The following THSD7B variants were observed in gnomAD, a reference collection of about 807,000 sequenced individuals.
THSD7B encodes thrombospondin type-1 domain-containing protein 7B.
In THSD7B, 138 loss-of-function variants were observed where a neutral mutation model predicts 213.6. The ratio of observed to expected loss-of-function variants is 0.65; its 90% CI spans 0.56 to 0.74. THSD7B has a LOEUF of 0.74. Among genes scored for constraint, THSD7B ranks in the 30% least tolerant of loss-of-function variants. The pLI, the probability that THSD7B is intolerant of heterozygous loss-of-function variation, is 0.00. For synonymous variants in THSD7B, 742 were observed against 687.0 expected, an observed-to-expected ratio of 1.08 and a Z score of -1.25; for missense variants, 1,931 against 1,991.5, an observed-to-expected ratio of 0.97 and a Z score of 0.58.
chr2:136,870,099 T>C (rs1275360652), intron 1 of THSD7B, among the ~76,000 whole-genome samples: 3 of 149,854 alleles, frequency 2.0e-5, no homozygotes, highest in African/African-American at 7.4e-5. Context: ...AGTGTCAGCA[T>C]TTGTGCCTGT....
intron 15 of THSD7B, among the ~76,000 whole-genome samples, chr2:137,518,808 A>T (rs868176862): frequency 1.6e-4 from 25 of 152,180 alleles, no homozygotes; most frequent in African/African-American, 5.5e-4. Flanking sequence ...GCCACTCCTG[A>T]GTGCCCAATT....
rs1184227045 is a variant in THSD7B, at chr2:137,655,490, T to C, written c.3946-11T>C. 3 of 1,602,478 alleles carry C rather than the reference T, an allele frequency of 1.9e-6. No individual in the cohort carries two copies. Among genetic ancestry groups the C allele is most frequent in the Non-Finnish European group, 2.6e-6 (3 of 1,173,792 alleles). ...TTTGGGTAATTGTGAAAGTATCCTT[T>C]CCTCTCATAGGGTGGAGACTGTGGG... On this transcript the variant is annotated splice_polypyrimidine_tract_variant and intron_variant, in intron 21 of 27. Transcript: ENST00000409968.
At chr2:137,429,151 T>G (rs1318516750) in intron 14 of THSD7B, among the ~76,000 whole-genome samples, 1 of 152,190 alleles carries the variant, frequency 6.6e-6, no homozygotes, top group Admixed American at 6.5e-5. Flanking sequence ...TGGTTAGTGG[T>G]TGCTTAGGAC....
At chr2:137,363,410 G>T (rs1413773810) in intron 12 of THSD7B, among the ~76,000 whole-genome samples, 1 of 152,072 alleles carries the variant, frequency 6.6e-6, no homozygotes, top group African/African-American at 2.4e-5. Context: ...AGGAGACAGA[G>T]ACACAAAAAA....
intron 1 of THSD7B, 130 bp from the exon 2 acceptor site, chr2:136,882,014 A>C: frequency 1.9e-6 from 1 of 513,586 alleles, no homozygotes; most frequent in Non-Finnish European, 3.0e-6. Context: ...CAGGGTTGAT[A>C]TTATATGTAC....
chr2:137,114,496 A>G (rs963260028), intron 4 of THSD7B, among the ~76,000 whole-genome samples: 1 of 152,202 alleles, frequency 6.6e-6, no homozygotes, highest in African/African-American at 2.4e-5. Flanking sequence ...ACATATTTCT[A>G]TATCAGTTTA....
chr2:137,394,477 T>G (rs1299975544), intron 12 of THSD7B, among the ~76,000 whole-genome samples: 1 of 138,358 alleles, frequency 7.2e-6, no homozygotes, highest in East Asian at 2.0e-4. Flanking sequence ...GTTGTAGATA[T>G]GCGGCGTTAT....
At chr2:137,500,600 C>T (rs778027221) in intron 15 of THSD7B, among the ~76,000 whole-genome samples, 1 of 152,130 alleles carries the variant, frequency 6.6e-6, no homozygotes, top group Non-Finnish European at 1.5e-5. Flanking sequence ...AGTCATTTAA[C>T]GCTCTGTGAA....
chr2:137,419,563 C>T (rs1029708091), intron 14 of THSD7B, among the ~76,000 whole-genome samples: 2 of 151,468 alleles, frequency 1.3e-5, no homozygotes, highest in Middle Eastern at 6.8e-3. Context: ...CAGAATGGGG[C>T]GTGTGTACTG....
At chr2:137,479,690 G>A (rs1051984564) in intron 15 of THSD7B, among the ~76,000 whole-genome samples, 1 of 152,216 alleles carries the variant, frequency 6.6e-6, no homozygotes, top group Non-Finnish European at 1.5e-5. Flanking sequence ...CCTGGCAGCA[G>A]CATCTAGAAA....
Position 137,609,946 on chromosome 2 carries a change from T to C in THSD7B, c.3424-6229T>C, listed in dbSNP as rs986993623. Among the ~76,000 whole-genome samples the C allele has an allele frequency of 2.6e-5, 4 of 152,118 alleles. No individual in the cohort carries two copies. In the East Asian group the frequency reaches 7.7e-4, roughly 29 times the overall value. On this transcript the variant is annotated intron_variant, in intron 17 of 27. Coordinates refer to ENST00000409968, the MANE Select transcript of THSD7B (RefSeq NM_001316349.2). ...AAAGGATTTGCTCAGGTTTGGGTTG[T>C]AAGGTGTAAGAAAAATAAGGGAGTC...
At chr2:136,985,902 G>A (rs989579612) in intron 2 of THSD7B, among the ~76,000 whole-genome samples, 43 of 152,244 alleles carry the variant, frequency 2.8e-4, no homozygotes, top group African/African-American at 9.6e-4. Context: ...GCATCAGCGT[G>A]CCCTGGATGT....
At chr2:136,998,693 C>T (rs1315926071) in intron 2 of THSD7B, among the ~76,000 whole-genome samples, 2 of 152,076 alleles carry the variant, frequency 1.3e-5, no homozygotes, top group East Asian at 1.9e-4. Context: ...TCTTTCATTT[C>T]GTACTTAGAT....
At chr2:137,204,391 C>T (rs373925040) in intron 7 of THSD7B, among the ~76,000 whole-genome samples, 1 of 152,060 alleles carries the variant, frequency 6.6e-6, no homozygotes, top group East Asian at 1.9e-4. Context: ...GTGGTATTGT[C>T]TTCTGATTTC....
intron 8 of THSD7B, among the ~76,000 whole-genome samples, chr2:137,232,135 GAAT>G (rs1347644719): frequency 1.3e-5 from 2 of 152,156 alleles, no homozygotes; most frequent in Non-Finnish European, 2.9e-5. Flanking sequence ...TTGGGCCACT[GAAT>G]AAACCATTAA....
chr2:137,388,449 G>T (rs1190045426), intron 12 of THSD7B, among the ~76,000 whole-genome samples: 1 of 151,940 alleles, frequency 6.6e-6, no homozygotes, highest in East Asian at 1.9e-4. Context: ...GTTTTATACA[G>T]AGAGAATGTG....
chr2:137,037,505 A>AT (rs35125846), intron 2 of THSD7B, among the ~76,000 whole-genome samples: 87,822 of 151,336 alleles, frequency 0.58, 29,429 homozygotes, highest in Non-Finnish European at 0.73. Context: ...AATCTAGTAT[A>AT]TTTTTCCATG....
intron 21 of THSD7B, among the ~76,000 whole-genome samples, chr2:137,651,801 T>A (rs574551869): frequency 2.6e-5 from 4 of 152,228 alleles, no homozygotes; most frequent in Admixed American, 2.6e-4. Context: ...CTTAATTTTT[T>A]AATTTATTCG....
chr2:137,198,594 C>G (rs944946015), intron 7 of THSD7B, among the ~76,000 whole-genome samples: 1 of 152,148 alleles, frequency 6.6e-6, no homozygotes, highest in East Asian at 1.9e-4. Context: ...ATGACCAGAA[C>G]ATGTCCTTCT....
Sources: allele counts gnomAD v4.1 joint callset (sites outside exome capture counted in the v4.1 genomes callset), GRCh38; gene constraint gnomAD v4.1.1; transcripts MANE v1.5; gene names NCBI Gene and HGNC (gene_info 2026-07-23, HGNC 2026-07-21).